The following TET2 variants were observed in gnomAD, a reference collection of about 807,000 sequenced individuals.
The protein encoded by TET2 is methylcytosine dioxygenase TET2.
In TET2, 299 loss-of-function variants were observed where a neutral mutation model predicts 142.9. That is an observed-to-expected ratio of 2.09 (90% confidence interval 1.90 to 2.30). TET2 has a LOEUF of 2.30. TET2 is among the 30% of genes most tolerant of loss of function. TET2 has a pLI of 0.00. For synonymous variants in TET2, 819 were observed against 849.0 expected (o/e 0.96, Z 0.61); for missense variants, 2,418 against 2,378.0 (o/e 1.02, Z -0.35).
intron 1 of TET2, among the ~76,000 whole-genome samples, chr4:105,173,372 A>C (rs1332668605): frequency 3.3e-5 from 5 of 151,242 alleles, no homozygotes; most frequent in African/African-American, 9.7e-5. Context: ...ACAAAAAAAA[A>C]AAAAAACAAA....
chr4:105,214,471 ATTTTTTTTTT>A (rs35752514), intron 2 of TET2, among the ~76,000 whole-genome samples: 2 of 92,104 alleles, frequency 2.2e-5, no homozygotes, highest in African/African-American at 4.8e-5. Context: ...CACACCTGGC[ATTTTTTTTTT>A]TTTTTTTTTT....
chr4:105,216,189 A>G (rs1393613514), intron 2 of TET2, among the ~76,000 whole-genome samples: 1 of 152,112 alleles, frequency 6.6e-6, no homozygotes, highest in African/African-American at 2.4e-5. Flanking sequence ...AGAAGAGGAG[A>G]CATAGAGTAC....
intron 4 of TET2, chr4:105,242,621 C>T: frequency 7.7e-7 from 1 of 1,290,950 alleles, no homozygotes; most frequent in Non-Finnish European, 9.8e-7. Context: ...TAGTTCATTA[C>T]AATTATCTGT....
intron 9 of TET2, among the ~76,000 whole-genome samples, chr4:105,271,665 A>T (rs1463458643): frequency 6.6e-6 from 1 of 152,224 alleles, no homozygotes; most frequent in Admixed American, 6.5e-5. Context: ...TCTCTCAAGA[A>T]TATCTTCTAA....
chr4:105,203,948 C>T (rs1023336576), intron 2 of TET2, among the ~76,000 whole-genome samples: 8 of 151,946 alleles, frequency 5.3e-5, no homozygotes, highest in Admixed American at 6.6e-5. Context: ...TGCCTGTAAT[C>T]GCAGCACTTT....
rs1205792605 is a variant in TET2 at position 105,234,662 on chromosome 4, T to C, written c.720T>C (p.Ile240=). 3.7e-6 allele frequency: 6 copies of C among 1,614,136 alleles called. No individual in the cohort carries two copies. The highest frequency in any genetic ancestry group is 5.1e-6 in the Non-Finnish European group (6 of 1,180,024). Residue 240 remains isoleucine (I), a synonymous_variant, in exon 3 of 11, where the codon ATT becomes ATC. Transcript: ENST00000380013. The stretch of plus-strand genomic sequence containing the variant: ...AATATTATCCAGATTGTGTTTCCAT[T>C]GCGGTGCAGAAAACCACATCTCACA... ...LSQYYPDCVS[I]AVQKTTSHIN... is the part of the protein sequence containing the mutation.
At chr4:105,159,007 C>T (rs1723701765) in intron 1 of TET2, among the ~76,000 whole-genome samples, 1 of 152,048 alleles carries the variant, frequency 6.6e-6, no homozygotes, top group African/African-American at 2.4e-5. Context: ...GCAGTATTTA[C>T]AAACACCATC....
rs146642469 is a variant in TET2, at chr4:105,190,595, A to G, written c.-47+90A>G. ...ATCTCTCTCCCAAACTTCAACTTCA[A>G]GTTACCCTGCACCCTCTCAAATACT... is the stretch of plus-strand genomic sequence containing the variant. On this transcript the variant is annotated intron_variant, in intron 2 of 10. Coordinates refer to ENST00000380013, the MANE Select transcript of TET2 (RefSeq NM_001127208.3). 1.2e-4 allele frequency: 81 copies of G among 663,984 alleles called. No individual in the cohort carries two copies. In the East Asian group the frequency reaches 2.1e-3, roughly 17 times the overall value. 41.1% of individuals were successfully genotyped at this position (663,984 alleles called of 1,614,324 possible).
chr4:105,229,652 TAA>T (rs547463581), intron 2 of TET2, among the ~76,000 whole-genome samples: 3 of 141,328 alleles, frequency 2.1e-5, no homozygotes, highest in Non-Finnish European at 3.1e-5. Context: ...GGAAGTTATT[TAA>T]AAAAAAAAAA....
At chr4:105,168,074 T>G (rs1300442915) in intron 1 of TET2, among the ~76,000 whole-genome samples, 1 of 152,196 alleles carries the variant, frequency 6.6e-6, no homozygotes, top group Non-Finnish European at 1.5e-5. Context: ...CTTTGAAAAG[T>G]GCAGTTTCCC....
intron 1 of TET2, among the ~76,000 whole-genome samples, chr4:105,152,847 C>T (rs993692329): frequency 3.3e-5 from 5 of 151,944 alleles, no homozygotes; most frequent in African/African-American, 7.3e-5. Context: ...TCTGCCTGCC[C>T]GGGTCTCCCA....
At chr4:105,223,037 C>G (rs1405634350) in intron 2 of TET2, among the ~76,000 whole-genome samples, 2 of 128,868 alleles carry the variant, frequency 1.6e-5, no homozygotes, top group Non-Finnish European at 3.5e-5. Context: ...GATATGTGGC[C>G]TTATTTCTGA....
At chr4:105,202,464 A>T (rs971759029) in intron 2 of TET2, 17 of 152,136 alleles carry the variant, frequency 1.1e-4, no homozygotes, top group African/African-American at 4.1e-4. Flanking sequence ...TCCCACTACT[A>T]CATACTACCC....
chr4:105,169,851 A>T (rs1441370040), intron 1 of TET2, among the ~76,000 whole-genome samples: 2 of 151,920 alleles, frequency 1.3e-5, no homozygotes, highest in South Asian at 4.2e-4. Flanking sequence ...TTTACCTACT[A>T]ATTTATGTTT....
chr4:105,171,261 A>T (rs754170250), intron 1 of TET2: 2 of 152,124 alleles, frequency 1.3e-5, no homozygotes, highest in Non-Finnish European at 1.5e-5. Flanking sequence ...TATCTAGTGG[A>T]TGTAGACCAA....
chr4:105,164,610 CT>C (rs1022005224), intron 1 of TET2, among the ~76,000 whole-genome samples: 2 of 152,198 alleles, frequency 1.3e-5, no homozygotes, highest in South Asian at 2.1e-4. Context: ...ATGCTTTGAT[CT>C]TTTTTTAAAG....
At chr4:105,242,737 A>C in intron 4 of TET2, 97 bp from the exon 5 acceptor site, 5 of 1,498,708 alleles carry the variant, frequency 3.3e-6, no homozygotes, top group Middle Eastern at 3.5e-4. Context: ...GGATGTGGTC[A>C]TAGAATAAAG....
rs146653174 is a variant in TET2 at position 105,188,679 on chromosome 4, A to G, written c.-192-1681A>G. Among the ~76,000 whole-genome samples, 698 of 152,346 alleles carry G rather than the reference A, an allele frequency of 4.6e-3. 4 individuals carry two copies. Among genetic ancestry groups the G allele is most frequent in the African/African-American group, 0.016 (652 of 41,574 alleles). ...AGTAGAATATTAGTCATACAAAGGA[A>G]TAAAGTACAGACACATGCTGCAATA... On this transcript the variant is annotated intron_variant, in intron 1 of 10. Transcript: ENST00000380013.
intron 2 of TET2, among the ~76,000 whole-genome samples, chr4:105,196,801 A>T (rs535683347): frequency 3.1e-4 from 47 of 152,320 alleles, no homozygotes; most frequent in Non-Finnish European, 5.1e-4. Flanking sequence ...CAAAGGCTGC[A>T]TCTTGTCTTC....
Sources: allele counts gnomAD v4.1 joint callset (sites outside exome capture counted in the v4.1 genomes callset), GRCh38; gene constraint gnomAD v4.1.1; transcripts MANE v1.5; gene names NCBI Gene and HGNC (gene_info 2026-07-23, HGNC 2026-07-21).